The following ROR1 variants were observed in gnomAD, a reference collection of about 807,000 sequenced individuals.
The protein encoded by ROR1 is inactive tyrosine-protein kinase transmembrane receptor ROR1.
In ROR1, 19 loss-of-function variants were observed where a neutral mutation model predicts 78.8. The ratio of observed to expected loss-of-function variants is 0.24; its 90% CI spans 0.17 to 0.35. The LOEUF is 0.35. Among genes scored for constraint, ROR1 ranks in the 10% least tolerant of loss-of-function variants. ROR1 has a pLI of 1.00. For missense variants in ROR1, 917 were observed against 1,177.8 expected, an observed-to-expected ratio of 0.78 and a Z score of 3.24; for synonymous variants, 386 against 433.6, an observed-to-expected ratio of 0.89 and a Z score of 1.36.
intron 1 of ROR1, among the ~76,000 whole-genome samples, chr1:63,844,993 T>C (rs963836299): frequency 4.2e-4 from 64 of 152,326 alleles, no homozygotes; most frequent in African/African-American, 1.5e-3. Flanking sequence ...GTCCTCAGCC[T>C]GGCTCAAATC....
intron 1 of ROR1, among the ~76,000 whole-genome samples, chr1:63,845,817 A>T (rs1017672455): frequency 5.9e-5 from 9 of 152,156 alleles, no homozygotes; most frequent in Non-Finnish European, 1.0e-4. Context: ...CTCTTTTCGG[A>T]TAGACTGGAT....
intron 1 of ROR1, among the ~76,000 whole-genome samples, chr1:63,931,420 G>A (rs1021662821): frequency 6.6e-6 from 1 of 152,128 alleles, no homozygotes; most frequent in African/African-American, 2.4e-5. Context: ...CTGTGGCAGT[G>A]GGCCAGTGAC....
At chr1:63,876,440 A>G (rs200052353) in intron 1 of ROR1, among the ~76,000 whole-genome samples, 1 of 152,072 alleles carries the variant, frequency 6.6e-6, no homozygotes, top group East Asian at 1.9e-4. Context: ...TCTTCCCCCA[A>G]CCACCTCCAT....
In ROR1 at chr1:63,838,923, G is replaced by A. The variant is rs192848892; in HGVS notation, c.91+64415G>A. Among the ~76,000 whole-genome samples, 460 of 152,212 alleles carry A rather than the reference G, an allele frequency of 3.0e-3. 8 individuals carry two copies. Among genetic ancestry groups the A allele is most frequent in the Admixed American group, 0.024 (369 of 15,300 alleles). ...ATACAGATACCATTGTGTGACAGTC[G>A]CCTACAGTATTCAGTATGGTAACAT... On this transcript the variant is annotated intron_variant, in intron 1 of 8. Transcript: ENST00000371079.
chr1:63,961,929 A>C (rs1646032693), intron 1 of ROR1, among the ~76,000 whole-genome samples: 1 of 152,214 alleles, frequency 6.6e-6, no homozygotes. Flanking sequence ...CATTGTGTAC[A>C]TATATTGAAA....
intron 1 of ROR1, among the ~76,000 whole-genome samples, chr1:63,793,889 G>T (rs545636188): frequency 1.3e-5 from 2 of 152,286 alleles, no homozygotes; most frequent in South Asian, 4.1e-4. Flanking sequence ...GCTGGGGTTG[G>T]GATAACAGCC....
At chr1:63,796,795 G>T (rs1402423537) in intron 1 of ROR1, among the ~76,000 whole-genome samples, 1 of 152,166 alleles carries the variant, frequency 6.6e-6, no homozygotes, top group Non-Finnish European at 1.5e-5. Context: ...CAGAGTCGAG[G>T]TGACTGAAGG....
intron 1 of ROR1, among the ~76,000 whole-genome samples, chr1:63,969,426 T>C (rs1646101149): frequency 6.6e-6 from 1 of 152,172 alleles, no homozygotes; most frequent in Admixed American, 6.5e-5. Context: ...GGATTGGCCA[T>C]CTATAAGTCT....
chr1:63,824,210 T>C (rs905317734), intron 1 of ROR1, among the ~76,000 whole-genome samples: 1 of 152,184 alleles, frequency 6.6e-6, no homozygotes, highest in African/African-American at 2.4e-5. Flanking sequence ...AATCAACAAA[T>C]GTTTTCTGTA....
At chr1:64,070,594 A>C (rs1646995673) in intron 4 of ROR1, among the ~76,000 whole-genome samples, 1 of 152,192 alleles carries the variant, frequency 6.6e-6, no homozygotes, top group Non-Finnish European at 1.5e-5. Flanking sequence ...TGCTGGGATT[A>C]TAGGTGTGAG....
intron 1 of ROR1, among the ~76,000 whole-genome samples, chr1:63,960,895 T>G (rs1276523570): frequency 6.6e-6 from 1 of 152,152 alleles, no homozygotes; most frequent in Admixed American, 6.5e-5. Context: ...TTAGAGAATG[T>G]GTTGAGGAGG....
intron 1 of ROR1, among the ~76,000 whole-genome samples, chr1:63,872,002 A>G (rs1195666404): frequency 6.6e-6 from 1 of 152,238 alleles, no homozygotes; most frequent in Non-Finnish European, 1.5e-5. Flanking sequence ...CGCCAATCTT[A>G]TACTGCATTT....
rs1324613866 is a variant in ROR1, at chr1:63,808,312, C to T, written c.91+33804C>T. ...TTTGACCATATGAATAAAGGTCACA[C>T]TTTTGGGATGGCAGAGCAACAAAGT... On this transcript the variant is annotated intron_variant, in intron 1 of 8. Coordinates refer to ENST00000371079, the MANE Select transcript of ROR1 (RefSeq NM_005012.4). 5.3e-5 allele frequency among the ~76,000 whole-genome samples: 8 copies of T among 152,318 alleles called. No homozygotes were observed. In the East Asian group the frequency reaches 1.4e-3, roughly 26 times the overall value.
chr1:64,010,438 T>G (rs1646466553), intron 2 of ROR1, among the ~76,000 whole-genome samples: 1 of 151,938 alleles, frequency 6.6e-6, no homozygotes, highest in Non-Finnish European at 1.5e-5. Flanking sequence ...TCAATAAATG[T>G]GTGTGGAATG....
At chr1:63,834,938 G>A (rs1645011154) in intron 1 of ROR1, among the ~76,000 whole-genome samples, 2 of 152,066 alleles carry the variant, frequency 1.3e-5, no homozygotes, top group African/African-American at 4.8e-5. Flanking sequence ...GCTGTTCATG[G>A]CTGCAGGTGG....
At chr1:63,943,618 G>A (rs1161268522) in intron 1 of ROR1, among the ~76,000 whole-genome samples, 3 of 152,320 alleles carry the variant, frequency 2.0e-5, no homozygotes, top group Non-Finnish European at 4.4e-5. Flanking sequence ...CTCTGTCTCT[G>A]CAGGCTGGAG....
intron 4 of ROR1, among the ~76,000 whole-genome samples, chr1:64,059,151 G>T (rs1646897070): frequency 1.3e-5 from 2 of 151,796 alleles, no homozygotes; most frequent in South Asian, 2.1e-4. Context: ...ATTAATGATA[G>T]TCCCTTTTTT....
At chr1:63,864,508 G>T (rs1459774087) in intron 1 of ROR1, among the ~76,000 whole-genome samples, 1 of 152,186 alleles carries the variant, frequency 6.6e-6, no homozygotes, top group Non-Finnish European at 1.5e-5. Flanking sequence ...TGTGTGTTGT[G>T]TTGGTATGAC....
chr1:63,806,146 T>C (rs765578441), intron 1 of ROR1, among the ~76,000 whole-genome samples: 8 of 152,174 alleles, frequency 5.3e-5, no homozygotes, highest in Admixed American at 1.3e-4. Flanking sequence ...CTTTGTTTAG[T>C]TCAGTAACTC....
Sources: gnomAD v4.1 joint callset for allele counts (sites outside exome capture counted in the v4.1 genomes callset) on GRCh38, gnomAD v4.1.1 for gene constraint, MANE v1.5 for transcripts, NCBI Gene and HGNC (gene_info 2026-07-23, HGNC 2026-07-21) for gene names.